The following CEP131 variants were observed in gnomAD, a reference collection of about 807,000 sequenced individuals.
CEP131 encodes centrosomal protein of 131 kDa.
CEP131 carries 99 observed loss-of-function variants against 136.8 expected under a neutral mutation model. That is an observed-to-expected ratio of 0.72 (90% CI 0.62 to 0.86). The LOEUF (loss-of-function observed/expected upper bound fraction) is 0.86. Among genes scored for constraint, CEP131 ranks in the 40% least tolerant of loss-of-function variants. CEP131 has a pLI of 0.00. For missense variants in CEP131, 1,459 were observed against 1,463.0 expected (o/e 1.00, Z 0.04); for synonymous variants, 646 against 612.7 (o/e 1.05, Z -0.80).
At position 81,219,479 on chromosome 17, in the gene CEP131, G is replaced by A. The variant is rs1025702113; in HGVS notation, c.177+401C>T. On this transcript the variant is annotated intron_variant, in intron 2 of 25. Transcript: ENST00000450824. This position sits in a 1 kb window ranked among gnomAD's most constrained non-coding sequence, Gnocchi z 4.0. ...CGGCTAATTTTTTTTTGTATCTTTAGTAGAGACGGAGTTTCACCATGTTGG... is the reference window on the plus strand; with the variant it reads ...CGGCTAATTTTTTTTTGTATCTTTAATAGAGACGGAGTTTCACCATGTTGG... Among the ~76,000 whole-genome samples the A allele has an allele frequency of 4.0e-5, 6 of 151,734 alleles. No homozygotes were observed. The highest frequency in any genetic ancestry group is 2.6e-4 in the Admixed American group (4 of 15,248).
chr17:81,192,194 T>A, intron 21 of CEP131, 124 bp downstream of exon 21: 1 of 838,682 alleles, frequency 1.2e-6, no homozygotes, highest in Non-Finnish European at 1.8e-6. Context: ...CAGCCAGATG[T>A]GACTCCCAGA....
chr17:81,196,936 T>C lies in CEP131; in HGVS notation c.1767A>G (p.Arg589=). The C allele has an allele frequency of 6.2e-7, 1 of 1,609,872 alleles. No individual in the cohort carries two copies. Among genetic ancestry groups the C allele is most frequent in the East Asian group, 2.2e-5 (1 of 44,786 alleles). ...EKKQAMLLLQ[R]ALAQQRDLTA... is the part of the protein sequence containing the mutation. ...GCAGTGCCAGCAGCGTTACCAGCGCTCTCTGCAGCAGCAGCATGGCCTGCT... is the reference window on the plus strand; with the variant it reads ...GCAGTGCCAGCAGCGTTACCAGCGCCCTCTGCAGCAGCAGCATGGCCTGCT... The change falls in exon 14 of 26, where the codon AGA becomes AGG. Residue 589 remains arginine, a synonymous_variant. Transcript: ENST00000450824.
At chr17:81,196,848 G>C in intron 14 of CEP131, 22 bp from the exon 15 acceptor site, 3 of 1,598,978 alleles carry the variant, frequency 1.9e-6, no homozygotes, top group Non-Finnish European at 2.6e-6. Flanking sequence ...GGGCAGAGGA[G>C]GGAAGCGCTA....
intron 17 of CEP131, among the ~76,000 whole-genome samples, chr17:81,194,665 C>T (rs2061715295): frequency 6.6e-6 from 1 of 152,260 alleles, no homozygotes; most frequent in Non-Finnish European, 1.5e-5. Context: ...CTGGGCCAGG[C>T]TCCTGTGTGG....
intron 1 of CEP131, among the ~76,000 whole-genome samples, chr17:81,221,551 C>T (rs1262442834): frequency 6.6e-6 from 1 of 152,126 alleles, no homozygotes; most frequent in Non-Finnish European, 1.5e-5. Flanking sequence ...TGGCTTTAGC[C>T]AACACAGCCT....
intron 1 of CEP131, among the ~76,000 whole-genome samples, 192 bp downstream of exon 1, chr17:81,222,577 A>ACCCTGGATCCCCCTCACTTC (rs1356216642): frequency 6.7e-6 from 1 of 148,488 alleles, no homozygotes; most frequent in African/African-American, 2.5e-5. Flanking sequence ...ACCTGTGCGC[A>ACCCTGGATCCCCCTCACTTC]CCCTGGATCC....
rs1428520535 is a variant in CEP131, at chr17:81,201,394, CA to C, written c.788+845del. On this transcript the variant is annotated intron_variant, in intron 7 of 25. Transcript: ENST00000450824. The stretch of plus-strand genomic sequence containing the variant: ...TGACAAGAAACGACTGTCATGGTCA[CA>C]GGAGGCTCCGCCCACAGCCCCTCCA... Among the ~76,000 whole-genome samples, 2 of 152,182 alleles carry C rather than the reference CA, an allele frequency of 1.3e-5. 1 individual carries two copies. Among genetic ancestry groups the C allele is most frequent in the Non-Finnish European group, 2.9e-5 (2 of 68,042 alleles).
rs898242637 is a variant in CEP131 at position 81,190,674 on chromosome 17, G to A, written c.3072C>T (p.Ala1024=). 8 of 1,601,500 alleles carry A rather than the reference G, an allele frequency of 5.0e-6. No individual in the cohort carries two copies. The East Asian group carries it at 6.7e-5, about 13-fold the overall frequency. ...CCTCCTCCAGCTCCAGCTGCTGGCG[G>A]GCCTGCAGCGTGGCCAGCTCGGCCT... is the stretch of plus-strand genomic sequence containing the variant. The part of the protein sequence containing the change: ...QAKAELATLQ[A]RQQLELEEVH... Residue 1024 remains alanine, a synonymous_variant, in exon 24 of 26, where the codon GCC becomes GCT. Transcript: ENST00000450824.
At chr17:81,198,816 G>T in intron 11 of CEP131, 61 bp downstream of exon 11, 3 of 1,487,682 alleles carry the variant, frequency 2.0e-6, no homozygotes, top group Non-Finnish European at 1.8e-6. Flanking sequence ...GACACCCCTG[G>T]CACAGACATG....
rs1004087429 is a variant in CEP131, at chr17:81,202,355, C to T, written c.673G>A (p.Gly225Ser). The T allele has an allele frequency of 5.0e-6, 8 of 1,613,468 alleles. No homozygotes were observed. The highest frequency in any genetic ancestry group is 4.5e-5 in the East Asian group (2 of 44,856). The change falls in exon 7 of 26, where the codon GGC (glycine) becomes AGC (serine). Residue 225 changes from glycine to serine, a missense_variant. Physicochemically the swap from Gly to Ser is moderately conservative, Grantham distance 56 (BLOSUM62 0). Around this residue, in one of 3 missense-constraint regions of CEP131, gnomAD observed 246 missense variants for 318.9 expected, o/e 0.77. Coordinates refer to ENST00000450824, the MANE Select transcript of CEP131 (RefSeq NM_014984.4). ...AATCEGSESS[G>S]FGKLPKNVSS... ...ACATTCTTCGGCAGCTTCCCAAAGC[C>T]GCTGCTCTCACTGCCCTCACAGGTG...
Position 81,209,188 on chromosome 17 carries a change from G to A in CEP131, c.178-166C>T, listed in dbSNP as rs1299031994. On this transcript the variant is annotated intron_variant, in intron 2 of 25. Coordinates refer to ENST00000450824, the MANE Select transcript of CEP131 (RefSeq NM_014984.4). Reference sequence around the variant, plus strand: ...GCAGTGGGTGGTCAGAGGGGCAGGAGCACTGGACAGCAGGGCAGCGCGAGG... The same window carrying A: ...GCAGTGGGTGGTCAGAGGGGCAGGAACACTGGACAGCAGGGCAGCGCGAGG... Among the ~76,000 whole-genome samples, 3 of 152,190 alleles carry A rather than the reference G, an allele frequency of 2.0e-5. No homozygotes were observed. The East Asian group carries it at 5.8e-4, about 29-fold the overall frequency.
At chr17:81,198,823 C>T in intron 11 of CEP131, 54 bp downstream of exon 11, 1 of 1,514,570 alleles carries the variant, frequency 6.6e-7, no homozygotes, top group Admixed American at 2.0e-5. Flanking sequence ...CTGGCACAGA[C>T]ATGGCCCTTA....
At chr17:81,207,064 A>C in intron 4 of CEP131, 61 bp downstream of exon 4, 1 of 1,562,046 alleles carries the variant, frequency 6.4e-7, no homozygotes. Context: ...AGAACAAATT[A>C]GGAACCAGGC....
Position 81,192,328 on chromosome 17 carries a change from G to A in CEP131, c.2612C>T (p.Thr871Ile). The change falls in exon 21 of 26, where the codon ACC (threonine) becomes ATC (isoleucine). Residue 871 changes from threonine to isoleucine, a missense_variant. Physicochemically the swap from Thr to Ile is moderately conservative, Grantham distance 89. Transcript: ENST00000450824. Reference sequence around the variant, plus strand: ...TGCCCAGGCCCCCACCTCCTTCCTGGTGCGGCCGGCCTCCCACGCCTGCCT... The same window carrying A: ...TGCCCAGGCCCCCACCTCCTTCCTGATGCGGCCGGCCTCCCACGCCTGCCT... ...LERQAWEAGR[T>I]RKEEAWLLNR... The A allele has an allele frequency of 1.3e-6, 2 of 1,557,368 alleles. No homozygotes were observed. The highest frequency in any genetic ancestry group is 1.7e-6 in the Non-Finnish European group (2 of 1,152,086).
chr17:81,218,442 A>G (rs1195536320), intron 2 of CEP131, among the ~76,000 whole-genome samples: 1 of 152,242 alleles, frequency 6.6e-6, no homozygotes, highest in African/African-American at 2.4e-5. Flanking sequence ...CGAGGGGGTC[A>G]GTGACGCAGG....
intron 15 of CEP131, 21 bp from the exon 16 acceptor site, chr17:81,195,972 G>C (rs761076574): frequency 6.3e-7 from 1 of 1,593,002 alleles, no homozygotes; most frequent in East Asian, 2.2e-5. Context: ...GACCGGAGGT[G>C]AGGTGCTACA....
chr17:81,199,536 T>C lies in CEP131; in HGVS notation c.1037A>G (p.Lys346Arg). ...RRAAIQELQQ[K>R]RALRAQKAST... ...CGCCTTCTGGGCTCTCAGGGCTCGTTTCTGTTGCAGCTCCTGCAGTGGGAG... is the reference window on the plus strand; with the variant it reads ...CGCCTTCTGGGCTCTCAGGGCTCGTCTCTGTTGCAGCTCCTGCAGTGGGAG... Residue 346 changes from lysine (K) to arginine (R), a missense_variant, in exon 10 of 26, where the codon AAA becomes AGA. Lys to Arg is a conservative substitution (Grantham distance 26, BLOSUM62 2). Around this residue, in one of 3 missense-constraint regions of CEP131, gnomAD observed 246 missense variants for 318.9 expected, o/e 0.77. Coordinates refer to ENST00000450824, the MANE Select transcript of CEP131 (RefSeq NM_014984.4). 1.9e-6 allele frequency: 3 copies of C among 1,606,768 alleles called. No homozygotes were observed. Among genetic ancestry groups the C allele is most frequent in the Non-Finnish European group, 8.5e-7 (1 of 1,177,144 alleles).
chr17:81,222,618 T>G (rs1167885433), intron 1 of CEP131, among the ~76,000 whole-genome samples, 151 bp downstream of exon 1: 1 of 150,708 alleles, frequency 6.6e-6, no homozygotes, highest in Non-Finnish European at 1.5e-5. Flanking sequence ...CGCCTTCAAT[T>G]GCGCGGGCAC....
Position 81,193,995 on chromosome 17 carries a change from T to A in CEP131, c.2252A>T (p.Glu751Val), listed in dbSNP as rs950790668. 6.4e-7 allele frequency: 1 copy of A among 1,554,292 alleles called. No homozygotes were observed. The highest frequency in any genetic ancestry group is 2.3e-5 in the East Asian group (1 of 42,666). ...CTCCCGCTCCAGCTGCTCCCGCAGC[T>A]CCTCGGCCTGGCGCAGGCAGCGCTG... Reference protein sequence around the residue: ...ASQRCLRQAEELREQLEREKE... With the variant: ...ASQRCLRQAEVLREQLEREKE... Residue 751 changes from glutamate to valine, a missense_variant, in exon 18 of 26, where the codon GAG (glutamate) becomes GTG (valine). By Grantham distance (121) the Glu-to-Val change is moderately radical. Transcript: ENST00000450824.
Sources: gnomAD v4.1 joint callset for allele counts (sites outside exome capture counted in the v4.1 genomes callset) on GRCh38, gnomAD v4.1.1 for gene constraint, gnomAD v4.1.1 regional missense constraint, Gnocchi (gnomAD v3.1) non-coding constraint, MANE v1.5 for transcripts, NCBI Gene and HGNC (gene_info 2026-07-23, HGNC 2026-07-21) for gene names.